CEP85L: variants seen among roughly 807,000 people sequenced by gnomAD.
The protein encoded by CEP85L is centrosomal protein of 85 kDa-like.
A neutral mutation model predicts 100.3 loss-of-function variants in CEP85L; 60 were observed. The observed-to-expected ratio is 0.60, with a 90% CI of 0.49 to 0.74. The LOEUF (loss-of-function observed/expected upper bound fraction) is 0.74, where lower values mean the gene tolerates loss of function less well. Ranked by LOEUF, CEP85L falls within the 30% of genes least tolerant of loss-of-function variation. The pLI is 0.00. For missense variants in CEP85L, 973 were observed against 936.2 expected (o/e 1.04, Z -0.51); for synonymous variants, 319 against 322.7 (o/e 0.99, Z 0.12).
intron 3 of CEP85L, among the ~76,000 whole-genome samples, chr6:118,540,538 C>T (rs555383599): frequency 6.6e-5 from 10 of 152,108 alleles, no homozygotes; most frequent in African/African-American, 2.4e-4. Flanking sequence ...GGGCACATCA[C>T]GAGGTCAAGA....
At chr6:118,487,284 A>G (rs1774252914) in intron 6 of CEP85L, among the ~76,000 whole-genome samples, 1 of 152,224 alleles carries the variant, frequency 6.6e-6, no homozygotes, top group South Asian at 2.1e-4. Context: ...ACAGTTTATC[A>G]GAGGAAGATT....
chr6:118,623,136 A>AT (rs1773561362), intron 2 of CEP85L, among the ~76,000 whole-genome samples: 1 of 152,152 alleles, frequency 6.6e-6, no homozygotes, highest in Non-Finnish European at 1.5e-5. Context: ...CCAAATCCCT[A>AT]TTTACAGGGC....
chr6:118,488,651 T>C (rs1053869401), intron 6 of CEP85L, among the ~76,000 whole-genome samples: 1 of 151,856 alleles, frequency 6.6e-6, no homozygotes, highest in Admixed American at 6.6e-5. Context: ...TTCCCAAATA[T>C]GTGTGTGTGG....
At chr6:118,517,146 C>T (rs1582957711) in intron 4 of CEP85L, among the ~76,000 whole-genome samples, 1 of 152,142 alleles carries the variant, frequency 6.6e-6, no homozygotes. Context: ...GTTACTGCAG[C>T]GTTTTAGTAT....
At chr6:118,616,743 G>A (rs62422223) in intron 2 of CEP85L, among the ~76,000 whole-genome samples, 24,651 of 151,532 alleles carry the variant, frequency 0.16, 2,136 homozygotes, top group Non-Finnish European at 0.19. Context: ...TCAGGAGTTC[G>A]AGACCAGCCT....
intron 3 of CEP85L, among the ~76,000 whole-genome samples, chr6:118,554,644 G>A (rs1034885251): frequency 6.6e-6 from 1 of 152,124 alleles, no homozygotes; most frequent in African/African-American, 2.4e-5. Context: ...GCTATAATCT[G>A]ACAGATATCC....
intron 1 of CEP85L, among the ~76,000 whole-genome samples, chr6:118,689,655 C>T (rs930747430): frequency 6.6e-6 from 1 of 152,318 alleles, no homozygotes. Context: ...TCAGCCTTAT[C>T]GTTTCCAAGC....
intron 2 of CEP85L, among the ~76,000 whole-genome samples, chr6:118,583,122 G>A (rs1242151769): frequency 6.6e-6 from 1 of 152,204 alleles, no homozygotes; most frequent in African/African-American, 2.4e-5. Context: ...CACTGGAGAT[G>A]GATCTGCCCC....
intron 2 of CEP85L, among the ~76,000 whole-genome samples, chr6:118,568,403 A>G (rs1217133199): frequency 6.6e-6 from 1 of 152,194 alleles, no homozygotes; most frequent in Non-Finnish European, 1.5e-5. Flanking sequence ...GCTGACTGAA[A>G]ACACTGAATC....
intron 5 of CEP85L, 147 bp downstream of exon 5, chr6:118,511,151 G>T: frequency 1.7e-6 from 1 of 593,664 alleles, no homozygotes; most frequent in Non-Finnish European, 3.0e-6. Flanking sequence ...GGCTGTAGTT[G>T]GACACTCTTT....
chr6:118,647,811 T>C (rs770433403), intron 1 of CEP85L, among the ~76,000 whole-genome samples: 3 of 152,136 alleles, frequency 2.0e-5, no homozygotes, highest in Non-Finnish European at 2.9e-5. Context: ...GAAACCAGTA[T>C]ACATTCTGAA....
intron 2 of CEP85L, among the ~76,000 whole-genome samples, chr6:118,600,492 T>C (rs1269978483): frequency 6.6e-6 from 1 of 151,744 alleles, no homozygotes; most frequent in Non-Finnish European, 1.5e-5. Context: ...CAGCTAATTT[T>C]TGTATTTTCA....
In CEP85L at chr6:118,566,610, G is replaced by C. The variant is rs1779525160; in HGVS notation, c.233-294C>G. On this transcript the variant is annotated intron_variant, in intron 2 of 12. Transcript: ENST00000368491. ...TTTTTTGTATTTTTAGTAGAGACGG[G>C]GCTTTGCCATGTTGGGCAGGCTGGT... Among the ~76,000 whole-genome samples the C allele has an allele frequency of 2.0e-5, 3 of 152,106 alleles. No homozygotes were observed. The South Asian group carries it at 6.2e-4, about 32-fold the overall frequency.
chr6:118,561,641 T>G (rs1007730486), intron 3 of CEP85L, among the ~76,000 whole-genome samples: 2 of 152,128 alleles, frequency 1.3e-5, no homozygotes, highest in Non-Finnish European at 2.9e-5. Context: ...CTTTTATATT[T>G]TAATTGGTTA....
At chr6:118,615,074 A>G (rs1772938097) in intron 2 of CEP85L, among the ~76,000 whole-genome samples, 1 of 152,222 alleles carries the variant, frequency 6.6e-6, no homozygotes. Flanking sequence ...ATTAAAAACT[A>G]TACAACGCTG....
At position 118,499,155 on chromosome 6, in the gene CEP85L, A is replaced by C. The variant is rs1455398727; in HGVS notation, c.1258-7290T>G. Among the ~76,000 whole-genome samples the C allele has an allele frequency of 2.0e-5, 3 of 152,360 alleles. No individual in the cohort carries two copies. In the East Asian group the frequency reaches 5.8e-4, roughly 29 times the overall value. On this transcript the variant is annotated intron_variant, in intron 5 of 12. Coordinates refer to ENST00000368491, the MANE Select transcript of CEP85L (RefSeq NM_001042475.3). The stretch of plus-strand genomic sequence containing the variant: ...AATGCATATATTAGATAAGAAAAAA[A>C]GGATCTAAAATAAATCATCTAAGCC...
At chr6:118,673,375 A>G (rs1317730488) in intron 1 of CEP85L, among the ~76,000 whole-genome samples, 6 of 152,238 alleles carry the variant, frequency 3.9e-5, no homozygotes, top group Non-Finnish European at 1.5e-5. Flanking sequence ...TTTCCAGTAA[A>G]GTGTTCTATG....
At position 118,566,068 on chromosome 6, in the gene CEP85L, T is replaced by G. The variant is rs986683693; in HGVS notation, c.481A>C (p.Lys161Gln). 2.5e-6 allele frequency: 4 copies of G among 1,614,076 alleles called. No individual in the cohort carries two copies. The African/African-American group carries it at 5.3e-5, about 22-fold the overall frequency. The part of the protein sequence containing the change: ...RPLRKWSSLS[K>Q]LTAPDNCGQG... ...CCACAGTTATCCGGGGCAGTGAGTT[T>G]GGATAAAGATGACCATTTCCGAAGT... Residue 161 changes from lysine to glutamine, a missense_variant, in exon 3 of 13, where the codon AAA becomes CAA. Physicochemically the swap from Lys to Gln is moderately conservative, Grantham distance 53. This residue lies in a region of CEP85L where 890 missense variants were observed against 844.5 expected (regional missense o/e 1.05). Transcript: ENST00000368491.
At chr6:118,480,648 A>G (rs1773710510) in intron 8 of CEP85L, 135 bp from the exon 9 acceptor site, 1 of 580,910 alleles carries the variant, frequency 1.7e-6, no homozygotes. Flanking sequence ...CACAGACAGT[A>G]TATGAAAAAC....
Sources: allele counts gnomAD v4.1 joint callset (sites outside exome capture counted in the v4.1 genomes callset), GRCh38; gene constraint gnomAD v4.1.1; regional missense constraint gnomAD v4.1.1; transcripts MANE v1.5; gene names NCBI Gene and HGNC (gene_info 2026-07-23, HGNC 2026-07-21).